NPAS3: variants seen among roughly 807,000 people sequenced by gnomAD.
NPAS3 encodes neuronal PAS domain protein 3.
NPAS3 carries 14 observed loss-of-function variants against 73.1 expected under a neutral mutation model. That is an observed-to-expected ratio of 0.19 (90% CI 0.13 to 0.30). The LOEUF (loss-of-function observed/expected upper bound fraction) is 0.30, where lower values mean the gene tolerates loss of function less well. Ranked by LOEUF, NPAS3 falls within the 10% of genes least tolerant of loss-of-function variation. The probability of loss-of-function intolerance (pLI) is 1.00; values close to 1 mark genes in which losing one functional copy is unlikely to be tolerated. For missense variants in NPAS3, 1,096 were observed against 1,250.0 expected (o/e 0.88, Z 1.86); for synonymous variants, 620 against 541.5 (o/e 1.14, Z -2.01).
chr14:33,632,818 C>T (rs988543326), intron 5 of NPAS3, among the ~76,000 whole-genome samples: 18 of 152,180 alleles, frequency 1.2e-4, no homozygotes, highest in Admixed American at 1.1e-3. Context: ...AAGAGATGAC[C>T]TAAGTAAGCC....
At chr14:33,524,591 A>G (rs534021150) in intron 4 of NPAS3, among the ~76,000 whole-genome samples, 1 of 152,326 alleles carries the variant, frequency 6.6e-6, no homozygotes. Flanking sequence ...TTCCTCTAAT[A>G]GAAAGATGAA....
At chr14:33,303,094 ATAAC>A (rs561623267) in intron 3 of NPAS3, among the ~76,000 whole-genome samples, 57 of 152,230 alleles carry the variant, frequency 3.7e-4, no homozygotes, top group Non-Finnish European at 7.4e-4. Flanking sequence ...GACTTTATAT[ATAAC>A]TAATACAAAA....
chr14:33,269,322 G>A (rs1417401878), intron 3 of NPAS3, among the ~76,000 whole-genome samples: 7 of 152,102 alleles, frequency 4.6e-5, no homozygotes, highest in Non-Finnish European at 7.3e-5. Context: ...TTTTATAGAT[G>A]AGAAAGCAGA....
chr14:33,336,579 T>G (rs1248476931), intron 3 of NPAS3, among the ~76,000 whole-genome samples: 1 of 152,212 alleles, frequency 6.6e-6, no homozygotes, highest in Non-Finnish European at 1.5e-5. Context: ...AGGGCTTACC[T>G]GATTAGGACA....
chr14:33,059,021 A>G (rs1261631526), intron 2 of NPAS3, among the ~76,000 whole-genome samples: 3 of 152,192 alleles, frequency 2.0e-5, no homozygotes, highest in African/African-American at 4.8e-5. Context: ...TGTGAGAGTC[A>G]ATTGTATGCA....
At chr14:33,100,521 G>A (rs2042551130) in intron 2 of NPAS3, among the ~76,000 whole-genome samples, 2 of 151,840 alleles carry the variant, frequency 1.3e-5, no homozygotes, top group African/African-American at 2.4e-5. Context: ...TATTACAAGG[G>A]GTAAAATATA....
chr14:33,441,968 A>C (rs1195043879), intron 4 of NPAS3, among the ~76,000 whole-genome samples: 1 of 152,136 alleles, frequency 6.6e-6, no homozygotes. Context: ...CGAAAGCTAC[A>C]ATTTAAGATG....
intron 2 of NPAS3, among the ~76,000 whole-genome samples, chr14:33,130,120 C>CA (rs1211083081): frequency 1.3e-5 from 2 of 152,146 alleles, no homozygotes; most frequent in Non-Finnish European, 2.9e-5. Flanking sequence ...ATAAGGTATC[C>CA]ATAATTCATT....
rs146998161 is a variant in NPAS3 at position 33,030,318 on chromosome 14, C to T, written c.51-25587C>T. Among the ~76,000 whole-genome samples, 432 of 152,252 alleles carry T rather than the reference C, an allele frequency of 2.8e-3. 9 individuals are homozygous for T. The highest frequency in any genetic ancestry group is 0.022 in the Admixed American group (333 of 15,288). On this transcript the variant is annotated intron_variant, in intron 1 of 11. Coordinates refer to ENST00000356141, the Ensembl canonical transcript of NPAS3. ...AAATTTAAGGAGTATTTGAGATTGC[C>T]TGCCAATATGCAAGTGTAAGGGTTT...
At position 33,121,868 on chromosome 14, in the gene NPAS3, C is replaced by T. The variant is rs371166691; in HGVS notation, c.140+65874C>T. ...TTTCTAAGGATTTGATTATACCTCA[C>T]GTGGAAATTGTATCTCACTTATTAC... On this transcript the variant is annotated intron_variant, in intron 2 of 11. Coordinates refer to ENST00000356141, the Ensembl canonical transcript of NPAS3. Among the ~76,000 whole-genome samples, 14 of 152,196 alleles carry T rather than the reference C, an allele frequency of 9.2e-5. No individual in the cohort carries two copies. The East Asian group carries it at 1.2e-3, about 13-fold the overall frequency.
At chr14:33,343,386 G>C (rs988301250) in intron 3 of NPAS3, among the ~76,000 whole-genome samples, 2 of 152,084 alleles carry the variant, frequency 1.3e-5, no homozygotes, top group African/African-American at 4.8e-5. Flanking sequence ...TTCCAGAAAT[G>C]TAGTTAATGT....
At chr14:33,025,765 A>C (rs1959173) in intron 1 of NPAS3, among the ~76,000 whole-genome samples, 4 of 151,922 alleles carry the variant, frequency 2.6e-5, no homozygotes, top group Non-Finnish European at 4.4e-5. Context: ...CATATGAAGA[A>C]GTGCTTGCTT....
At chr14:33,107,485 C>T (rs1257915496) in intron 2 of NPAS3, among the ~76,000 whole-genome samples, 2 of 152,132 alleles carry the variant, frequency 1.3e-5, no homozygotes, top group African/African-American at 2.4e-5. Context: ...TTAGCTCCCA[C>T]AGATAATTGA....
intron 6 of NPAS3, among the ~76,000 whole-genome samples, chr14:33,711,362 G>A (rs2060813454): frequency 6.6e-6 from 1 of 152,186 alleles, no homozygotes; most frequent in East Asian, 1.9e-4. Flanking sequence ...GCACGTCCCA[G>A]GGGAGATGGC....
At chr14:33,118,760 C>T (rs912727846) in intron 2 of NPAS3, among the ~76,000 whole-genome samples, 9 of 151,990 alleles carry the variant, frequency 5.9e-5, no homozygotes, top group African/African-American at 2.2e-4. Context: ...GACCTTTTTG[C>T]TGTGGATTTG....
At chr14:33,507,915 T>A (rs2052848214) in intron 4 of NPAS3, among the ~76,000 whole-genome samples, 1 of 151,940 alleles carries the variant, frequency 6.6e-6, no homozygotes, top group African/African-American at 2.4e-5. Context: ...TGTGGGTATA[T>A]GTGGGTGTGT....
intron 1 of NPAS3, among the ~76,000 whole-genome samples, chr14:33,018,431 G>A (rs1371343838): frequency 1.3e-5 from 2 of 152,154 alleles, no homozygotes; most frequent in Non-Finnish European, 2.9e-5. Flanking sequence ...CATGGCAGAG[G>A]CAGGACTTTC....
intron 6 of NPAS3, among the ~76,000 whole-genome samples, chr14:33,705,906 C>A (rs567268338): frequency 1.3e-5 from 2 of 152,290 alleles, no homozygotes; most frequent in Admixed American, 1.3e-4. Context: ...ATTTATCACA[C>A]AGTTTAATAC....
chr14:32,945,958 A>T (rs910663198), intron 1 of NPAS3, among the ~76,000 whole-genome samples: 3 of 152,186 alleles, frequency 2.0e-5, no homozygotes, highest in Non-Finnish European at 2.9e-5. Flanking sequence ...TCTTCTGCTC[A>T]TATAATTCAT....
Sources: allele counts gnomAD v4.1 joint callset (sites outside exome capture counted in the v4.1 genomes callset), GRCh38; gene constraint gnomAD v4.1.1; transcripts MANE v1.5; gene names NCBI Gene and HGNC (gene_info 2026-07-23, HGNC 2026-07-21).